Variants in DIP2A observed in about 807,000 individuals in gnomAD.
The protein encoded by DIP2A is disco-interacting protein 2 homolog A.
In DIP2A, 85 loss-of-function variants were observed where a neutral mutation model predicts 177.4. The ratio of observed to expected loss-of-function variants is 0.48; its 90% CI spans 0.40 to 0.57. DIP2A has a LOEUF of 0.57. Ranked by LOEUF, DIP2A falls within the 20% of genes least tolerant of loss-of-function variation. DIP2A has a pLI of 0.00. For missense variants in DIP2A, 1,791 were observed against 2,100.2 expected (o/e 0.85, Z 2.88); for synonymous variants, 886 against 881.8 (o/e 1.00, Z -0.08).
rs1238223758 is a variant in DIP2A, at chr21:46,498,520, G to A, written c.404-62G>A. ...GTCTGGGAGGCTCCAGTGTGAGTGG[G>A]AACTCCGTCCTCCTCTTGACTCATC... is the stretch of plus-strand genomic sequence containing the variant. On this transcript the variant is annotated intron_variant, in intron 4 of 37. Coordinates refer to ENST00000417564, the MANE Select transcript of DIP2A (RefSeq NM_015151.4). This position sits in a 1 kb window ranked among gnomAD's most constrained non-coding sequence, Gnocchi z 4.3. 1.2e-5 allele frequency: 18 copies of A among 1,547,870 alleles called. No individual in the cohort carries two copies. The highest frequency in any genetic ancestry group is 1.6e-5 in the Non-Finnish European group (18 of 1,145,698).
intron 1 of DIP2A, among the ~76,000 whole-genome samples, chr21:46,474,596 C>T (rs2055681563): frequency 6.6e-6 from 1 of 152,158 alleles, no homozygotes. Context: ...GATGACTGTA[C>T]TTCCTCAAAT....
Position 46,524,287 on chromosome 21 carries a change from C to T in DIP2A, c.1103-4805C>T, listed in dbSNP as rs139522186. ...CTTATATCTTAGGAAGGTCTCTAAC[C>T]TTCCCAAGTTGGGCCTCGAACCCAG... On this transcript the variant is annotated intron_variant, in intron 8 of 37. Transcript: ENST00000417564. Among the ~76,000 whole-genome samples, 44 of 152,280 alleles carry T rather than the reference C, an allele frequency of 2.9e-4. No homozygotes were observed. In the East Asian group the frequency reaches 7.1e-3, roughly 25 times the overall value.
At position 46,533,581 on chromosome 21, in the gene DIP2A, C is replaced by T; in HGVS notation, c.1363C>T (p.Leu455=). ...LLGSCGVFLA[L]TTDACQKGLP... ...GGGCAGCTGTGGAGTCTTCTTGGCC[C>T]TGACCACAGACGCTTGTCAGAAAGG... Residue 455 remains leucine, a synonymous_variant, in exon 11 of 38, where the codon CTG becomes TTG. Coordinates refer to ENST00000417564, the MANE Select transcript of DIP2A (RefSeq NM_015151.4). 1.2e-6 allele frequency: 2 copies of T among 1,614,024 alleles called. No individual in the cohort carries two copies. The highest frequency in any genetic ancestry group is 1.7e-6 in the Non-Finnish European group (2 of 1,179,896).
chr21:46,525,582 C>G (rs2059039132), intron 8 of DIP2A: 1 of 151,842 alleles, frequency 6.6e-6, no homozygotes, highest in South Asian at 2.1e-4. Flanking sequence ...GTAGAGAAAG[C>G]CTGCCATCTT....
chr21:46,534,803 C>T, intron 13 of DIP2A, 116 bp downstream of exon 13: 1 of 840,816 alleles, frequency 1.2e-6, no homozygotes, highest in Non-Finnish European at 1.9e-6. Context: ...AGTGCCTTTG[C>T]CCATTAATCC....
rs1179844090 is a variant in DIP2A, at chr21:46,556,615, A to G, written c.3499-324A>G. ...GGAGAATTGCTTGAACCCGGGAGGC[A>G]GAGGTTGCAGTGAGCCGAGATTGTG... On this transcript the variant is annotated intron_variant, in intron 29 of 37. Transcript: ENST00000417564. The surrounding 1 kb of genome is among the most constrained non-coding windows in gnomAD (Gnocchi z 4.5). 2.7e-6 allele frequency: 1 copy of G among 371,350 alleles called. No individual in the cohort carries two copies. Among genetic ancestry groups the G allele is most frequent in the Non-Finnish European group, 5.1e-6 (1 of 195,222 alleles). 23.0% of individuals were successfully genotyped at this position (371,350 alleles called of 1,614,324 possible).
chr21:46,510,670 G>A (rs571825560), intron 7 of DIP2A, among the ~76,000 whole-genome samples: 10 of 127,354 alleles, frequency 7.9e-5, no homozygotes, highest in East Asian at 4.7e-4. Context: ...TCACTCTGTC[G>A]CCCAGGCTGG....
chr21:46,561,911 C>A, intron 34 of DIP2A, 106 bp downstream of exon 34: 1 of 1,520,394 alleles, frequency 6.6e-7, no homozygotes. Context: ...GAACACAGGT[C>A]GACTTCTGGT....
rs982125721 is a variant in DIP2A, at chr21:46,556,607, C to T, written c.3499-332C>T. The T allele has an allele frequency of 1.4e-5, 5 of 368,908 alleles. No homozygotes were observed. Among genetic ancestry groups the T allele is most frequent in the Admixed American group, 1.2e-4 (3 of 24,864 alleles). The allele number at this position is 368,908 out of a possible 1,614,324, so 22.9% of individuals were successfully genotyped here. A position where few individuals can be genotyped will look rare whatever the true frequency, so the allele number is the denominator to read the frequency against. ...CTGAGGCAGGAGAATTGCTTGAACC[C>T]GGGAGGCAGAGGTTGCAGTGAGCCG... is the stretch of plus-strand genomic sequence containing the variant. On this transcript the variant is annotated intron_variant, in intron 29 of 37. Transcript: ENST00000417564. This position sits in a 1 kb window ranked among gnomAD's most constrained non-coding sequence, Gnocchi z 4.5.
In DIP2A at chr21:46,520,089, C is replaced by T. The variant is rs112363060; in HGVS notation, c.1102+8475C>T. Among the ~76,000 whole-genome samples, 26 of 151,776 alleles carry T rather than the reference C, an allele frequency of 1.7e-4. 1 individual carries two copies. The South Asian group carries it at 4.4e-3, about 26-fold the overall frequency. On this transcript the variant is annotated intron_variant, in intron 8 of 37. Transcript: ENST00000417564. Reference sequence around the variant, plus strand: ...CGGGGTTTCACCATGTTAGCCAGGACGGTCTCGATCTCCTGACCTTGTGAT... The same window carrying T: ...CGGGGTTTCACCATGTTAGCCAGGATGGTCTCGATCTCCTGACCTTGTGAT...
chr21:46,538,881 C>T, intron 16 of DIP2A: 1 of 380,768 alleles, frequency 2.6e-6, no homozygotes, highest in Non-Finnish European at 4.8e-6. Flanking sequence ...CCAGATTGTG[C>T]TGTGGCCTGG....
At chr21:46,534,229 T>G in intron 12 of DIP2A, 116 bp downstream of exon 12, 1 of 786,456 alleles carries the variant, frequency 1.3e-6, no homozygotes. Context: ...CTAAGAGTTC[T>G]TGTTTTATCT....
chr21:46,550,436 T>A, intron 22 of DIP2A, 107 bp from the exon 23 acceptor site: 1 of 1,084,710 alleles, frequency 9.2e-7, no homozygotes, highest in Non-Finnish European at 1.3e-6. Flanking sequence ...GCATTCCATT[T>A]CCTGGCCTGG....
chr21:46,583,119 T>C, the DIP2A span, among the ~76,000 whole-genome samples: 2 of 152,160 alleles, frequency 1.3e-5, no homozygotes, highest in Non-Finnish European at 2.9e-5. Context: ...ACTAATCTCA[T>C]ACAAAATAGA....
intron 8 of DIP2A, among the ~76,000 whole-genome samples, chr21:46,519,012 C>T (rs2148673470): frequency 6.6e-6 from 1 of 152,272 alleles, no homozygotes; most frequent in Non-Finnish European, 1.5e-5. Context: ...GTGGATTATT[C>T]ATAAATTTTC....
In DIP2A at chr21:46,537,922, C is replaced by T. The variant is rs145738715; in HGVS notation, c.1801+383C>T. 6.6e-6 allele frequency among the ~76,000 whole-genome samples: 1 copy of T among 152,336 alleles called. No individual in the cohort carries two copies. Among genetic ancestry groups the T allele is most frequent in the Non-Finnish European group, 1.5e-5 (1 of 68,030 alleles). On this transcript the variant is annotated intron_variant, in intron 15 of 37. Coordinates refer to ENST00000417564, the MANE Select transcript of DIP2A (RefSeq NM_015151.4). The surrounding 1 kb of genome is among the most constrained non-coding windows in gnomAD (Gnocchi z 4.1). ...ACCAGCCACTGAGGCACTGGATCAC[C>T]TGGGTCACCCATGTTGCCTTGTTCT...
At chr21:46,509,846 G>A (rs1304615431) in intron 7 of DIP2A, among the ~76,000 whole-genome samples, 1 of 152,134 alleles carries the variant, frequency 6.6e-6, no homozygotes, top group Admixed American at 6.5e-5. Flanking sequence ...AAACATGTGA[G>A]TGTGTCGTTA....
intron 1 of DIP2A, among the ~76,000 whole-genome samples, chr21:46,472,681 G>A (rs1391053877): frequency 6.6e-6 from 1 of 152,212 alleles, no homozygotes; most frequent in Non-Finnish European, 1.5e-5. Flanking sequence ...ACAGGTAGAG[G>A]AGGAAAGGCA....
chr21:46,508,153 C>T (rs1485329102), intron 6 of DIP2A, among the ~76,000 whole-genome samples: 1 of 151,990 alleles, frequency 6.6e-6, no homozygotes, highest in African/African-American at 2.4e-5. Context: ...TCCTTCTCAG[C>T]CTCCCAAGGA....
Sources: gnomAD v4.1 joint callset for allele counts (sites outside exome capture counted in the v4.1 genomes callset) on GRCh38, gnomAD v4.1.1 for gene constraint, Gnocchi (gnomAD v3.1) non-coding constraint, MANE v1.5 for transcripts, NCBI Gene and HGNC (gene_info 2026-07-23, HGNC 2026-07-21) for gene names.